The following TMEM266 variants were observed in gnomAD, a reference collection of about 807,000 sequenced individuals.
The protein encoded by TMEM266 is Hv1 related protein 1.
TMEM266 carries 33 observed loss-of-function variants against 50.5 expected under a neutral mutation model. The observed-to-expected ratio is 0.65, with a 90% CI of 0.50 to 0.87. TMEM266 has a LOEUF of 0.87. Ranked by LOEUF, TMEM266 falls within the 40% of genes least tolerant of loss-of-function variation. The pLI is 0.00. For synonymous variants in TMEM266, 310 were observed against 292.3 expected (o/e 1.06, Z -0.62); for missense variants, 655 against 695.1 (o/e 0.94, Z 0.65).
chr15:76,144,578 G>A (rs983169647), intron 3 of TMEM266, among the ~76,000 whole-genome samples: 12 of 152,092 alleles, frequency 7.9e-5, no homozygotes, highest in Admixed American at 2.6e-4. Flanking sequence ...CTGTCAGTGC[G>A]CGGCTTATGG....
At chr15:76,163,159 G>T (rs2038043421) in intron 5 of TMEM266, among the ~76,000 whole-genome samples, 1 of 152,198 alleles carries the variant, frequency 6.6e-6, no homozygotes, top group African/African-American at 2.4e-5. Context: ...GGGCCCAAGT[G>T]CAGGCCTCTG....
In TMEM266 at chr15:76,171,421, A is replaced by G. The variant is rs934617263; in HGVS notation, c.652+290A>G. 5.9e-5 allele frequency among the ~76,000 whole-genome samples: 9 copies of G among 152,318 alleles called. No homozygotes were observed. In the South Asian group the frequency reaches 1.9e-3, roughly 32 times the overall value. On this transcript the variant is annotated intron_variant, in intron 7 of 10. Transcript: ENST00000388942. ...GCCTGGGGGGGCCAGCCCCCATGCAAGCCCTTAGAGCAGGGCCTGCCATTC... is the reference window on the plus strand; with the variant it reads ...GCCTGGGGGGGCCAGCCCCCATGCAGGCCCTTAGAGCAGGGCCTGCCATTC...
At chr15:76,146,437 G>A (rs780756735) in intron 3 of TMEM266, among the ~76,000 whole-genome samples, 10 of 152,142 alleles carry the variant, frequency 6.6e-5, no homozygotes, top group African/African-American at 1.9e-4. Context: ...AGAGGTCAGC[G>A]CTGGACTCCT....
intron 9 of TMEM266, among the ~76,000 whole-genome samples, chr15:76,193,116 T>C (rs1269566282): frequency 1.3e-5 from 2 of 152,220 alleles, no homozygotes; most frequent in South Asian, 2.1e-4. Context: ...TTCTGTAAAA[T>C]GGACTCTTAA....
Position 76,204,166 on chromosome 15 carries a change from A to C in TMEM266, c.1447A>C (p.Ser483Arg). ...CAGCCCCGAGCTGGAACACAGGGTA[A>C]GTCTGTTCAACCAGAAGAACCAGGA... Residue 483 changes from serine (S) to arginine (R), a missense_variant, in exon 11 of 11, where the codon AGT (serine) becomes CGT (arginine). Ser to Arg is a moderately radical substitution (Grantham distance 110). Around this residue, in one of 3 missense-constraint regions of TMEM266, gnomAD observed 455 missense variants for 401.8 expected, o/e 1.13. Transcript: ENST00000388942. 1 of 1,613,716 alleles carries C rather than the reference A, an allele frequency of 6.2e-7. No individual in the cohort carries two copies. The highest frequency in any genetic ancestry group is 8.5e-7 in the Non-Finnish European group (1 of 1,179,998).
intron 2 of TMEM266, among the ~76,000 whole-genome samples, chr15:76,135,733 G>A (rs1259911157): frequency 6.6e-6 from 1 of 152,136 alleles, no homozygotes; most frequent in African/African-American, 2.4e-5. Context: ...TATTATCTGT[G>A]CTTGACAGGT....
chr15:76,089,485 G>A (rs976868412), intron 1 of TMEM266, among the ~76,000 whole-genome samples: 1 of 152,118 alleles, frequency 6.6e-6, no homozygotes, highest in Admixed American at 6.6e-5. Context: ...GAGCCACCGC[G>A]CCCAGCCCAG....
At chr15:76,082,851 C>T (rs2141992537) in intron 1 of TMEM266, among the ~76,000 whole-genome samples, 1 of 152,256 alleles carries the variant, frequency 6.6e-6, no homozygotes, top group East Asian at 1.9e-4. Flanking sequence ...CGCCTGTAAT[C>T]CCAGTTATTC....
At chr15:76,135,965 T>C (rs1007792870) in intron 2 of TMEM266, among the ~76,000 whole-genome samples, 6 of 151,204 alleles carry the variant, frequency 4.0e-5, no homozygotes, top group African/African-American at 1.2e-4. Flanking sequence ...TCTTTTGAGA[T>C]AGAGTTTCAC....
rs2038134003 is a variant in TMEM266 at position 76,168,564 on chromosome 15, G to A, written c.457-1252G>A. 6.6e-6 allele frequency among the ~76,000 whole-genome samples: 1 copy of A among 152,236 alleles called. No homozygotes were observed. The highest frequency in any genetic ancestry group is 2.4e-5 in the African/African-American group (1 of 41,458). On this transcript the variant is annotated intron_variant, in intron 5 of 10. Coordinates refer to ENST00000388942, the MANE Select transcript of TMEM266 (RefSeq NM_152335.3). This position sits in a 1 kb window ranked among gnomAD's most constrained non-coding sequence, Gnocchi z 4.4. ...CGGCATCTTACGAGACCAGCATTTA[G>A]GGGCTTCTTTGGAGAAAGATGTCCT...
In TMEM266 at chr15:76,160,630, C is replaced by T. The variant is rs985210727; in HGVS notation, c.456+462C>T. On this transcript the variant is annotated intron_variant, in intron 5 of 10. Coordinates refer to ENST00000388942, the MANE Select transcript of TMEM266 (RefSeq NM_152335.3). The surrounding 1 kb of genome is among the most constrained non-coding windows in gnomAD (Gnocchi z 5.7). ...CTGAAGCACGCAGTGGGTGGGGGAA[C>T]GGGGTCACAGGGCCAGGCAGTGGAC... is the stretch of plus-strand genomic sequence containing the variant. Among the ~76,000 whole-genome samples the T allele has an allele frequency of 2.0e-4, 31 of 152,120 alleles. No individual in the cohort carries two copies. The highest frequency in any genetic ancestry group is 6.5e-4 in the African/African-American group (27 of 41,412).
chr15:76,061,776 A>G (rs775941840), intron 1 of TMEM266, among the ~76,000 whole-genome samples: 9 of 152,220 alleles, frequency 5.9e-5, no homozygotes, highest in Non-Finnish European at 1.2e-4. Flanking sequence ...TGCATTAAGT[A>G]GAATGAATCA....
intron 1 of TMEM266, among the ~76,000 whole-genome samples, chr15:76,062,643 G>C (rs1214003802): frequency 6.6e-6 from 1 of 152,162 alleles, no homozygotes; most frequent in Non-Finnish European, 1.5e-5. Context: ...TTCTTCAGTT[G>C]GGAATCTCAT....
chr15:76,111,154 C>T (rs1264423052), intron 1 of TMEM266, among the ~76,000 whole-genome samples: 1 of 151,554 alleles, frequency 6.6e-6, no homozygotes, highest in Non-Finnish European at 1.5e-5. Flanking sequence ...GGTCTCGGCT[C>T]ACTGCAACCT....
intron 1 of TMEM266, among the ~76,000 whole-genome samples, chr15:76,068,881 T>C (rs1273303631): frequency 6.6e-6 from 1 of 152,220 alleles, no homozygotes; most frequent in Admixed American, 6.5e-5. Flanking sequence ...TCCAGACAGG[T>C]AGACTTGCAA....
At chr15:76,112,857 C>G (rs1237608679) in intron 1 of TMEM266, 3 of 152,072 alleles carry the variant, frequency 2.0e-5, no homozygotes, top group Non-Finnish European at 4.4e-5. Flanking sequence ...CACTATAACA[C>G]AAGGTAAACT....
At chr15:76,081,704 T>C (rs191097341) in intron 1 of TMEM266, among the ~76,000 whole-genome samples, 8 of 152,304 alleles carry the variant, frequency 5.3e-5, no homozygotes, top group Admixed American at 5.2e-4. Context: ...TTGGAGGTTG[T>C]TGTGAAAATC....
At chr15:76,173,500 C>T (rs2038219241) in intron 7 of TMEM266, among the ~76,000 whole-genome samples, 1 of 152,214 alleles carries the variant, frequency 6.6e-6, no homozygotes, top group Admixed American at 6.5e-5. Flanking sequence ...CTACTGCTGG[C>T]TGGTGGAGCA....
intron 1 of TMEM266, among the ~76,000 whole-genome samples, chr15:76,117,868 C>T (rs1178145151): frequency 6.6e-6 from 1 of 152,172 alleles, no homozygotes; most frequent in African/African-American, 2.4e-5. Context: ...TCAGGTGGGA[C>T]ACTTACTTAG....
Sources: gnomAD v4.1 joint callset for allele counts (sites outside exome capture counted in the v4.1 genomes callset) on GRCh38, gnomAD v4.1.1 for gene constraint, gnomAD v4.1.1 regional missense constraint, Gnocchi (gnomAD v3.1) non-coding constraint, MANE v1.5 for transcripts, NCBI Gene and HGNC (gene_info 2026-07-23, HGNC 2026-07-21) for gene names.